SLC16A14: variants seen among roughly 807,000 people sequenced by gnomAD.
The protein encoded by SLC16A14 is solute carrier family 16 member 14.
A neutral mutation model predicts 35.8 loss-of-function variants in SLC16A14; 14 were observed. The observed-to-expected ratio is 0.39, with a 90% CI of 0.26 to 0.61. The LOEUF is 0.61. SLC16A14 is among the 20% of genes least tolerant of loss of function. SLC16A14 has a pLI of 0.51. For missense variants in SLC16A14, 533 were observed against 655.0 expected (o/e 0.81, Z 2.03); for synonymous variants, 248 against 258.9 (o/e 0.96, Z 0.40).
intron 1 of SLC16A14, among the ~76,000 whole-genome samples, chr2:230,064,853 C>G (rs201398537): frequency 6.6e-6 from 1 of 151,742 alleles, no homozygotes; most frequent in Non-Finnish European, 1.5e-5. Flanking sequence ...TCTACTAAAA[C>G]TACAAAATTA....
At chr2:230,059,450 C>T (rs545041289) in intron 1 of SLC16A14, 84 bp from the exon 2 acceptor site, 2 of 1,097,470 alleles carry the variant, frequency 1.8e-6, no homozygotes, top group South Asian at 1.7e-5. Flanking sequence ...ACCTCCCCAT[C>T]AGGGTCAAAG....
At chr2:230,041,448 A>G (rs1181391607) in intron 4 of SLC16A14, among the ~76,000 whole-genome samples, 1 of 152,152 alleles carries the variant, frequency 6.6e-6, no homozygotes, top group Admixed American at 6.6e-5. Context: ...CCCGGGTTCA[A>G]GCAATTCTAC....
rs2077721147 is a variant in SLC16A14 at position 230,058,145 on chromosome 2, A to G, written c.259+949T>C. 7 of 152,272 alleles carry G rather than the reference A, an allele frequency of 4.6e-5. No homozygotes were observed. In the South Asian group the frequency reaches 1.5e-3, roughly 32 times the overall value. 9.4% of individuals were successfully genotyped at this position (152,272 alleles called of 1,614,324 possible). ...ATAAATGTTAAACAAGCAGAGATTT[A>G]TAATGGTACATAATGAATTATAATG... On this transcript the variant is annotated intron_variant, in intron 2 of 4. Transcript: ENST00000295190.
intron 2 of SLC16A14, among the ~76,000 whole-genome samples, chr2:230,051,366 G>C (rs563609942): frequency 1.3e-5 from 2 of 152,158 alleles, no homozygotes; most frequent in Non-Finnish European, 2.9e-5. Context: ...TCGCCGTGTT[G>C]TTCAGGCTGG....
intron 2 of SLC16A14, among the ~76,000 whole-genome samples, chr2:230,056,725 C>A (rs1165761617): frequency 6.6e-6 from 1 of 151,834 alleles, no homozygotes; most frequent in Admixed American, 6.6e-5. Flanking sequence ...TAAAAATCAG[C>A]AGGGCATGGT....
At chr2:230,047,263 T>C (rs1007773938) in intron 3 of SLC16A14, among the ~76,000 whole-genome samples, 2 of 151,798 alleles carry the variant, frequency 1.3e-5, no homozygotes, top group African/African-American at 4.8e-5. Context: ...ACGGGACTAT[T>C]ATAGGGAAGA....
chr2:230,059,103 A>G lies in SLC16A14; in HGVS notation c.250T>C (p.Leu84=), dbSNP rs763878510. 12 of 1,610,076 alleles carry G rather than the reference A, an allele frequency of 7.5e-6. 1 individual carries two copies. In the South Asian group the frequency reaches 1.1e-4, roughly 15 times the overall value. The change falls in exon 2 of 5, where the codon TTG becomes CTG. Residue 84 remains leucine (L), a synonymous_variant. Coordinates refer to ENST00000295190, the MANE Select transcript of SLC16A14 (RefSeq NM_152527.5). The part of the protein sequence containing the change: ...WVSSLSMGIT[L]IVGPFIGLFI... Reference sequence around the variant, plus strand: ...TCACACATGAACATACCCACTATCAAGGTGATGCCCATGCTGAGGGAGCTG... The same window carrying G: ...TCACACATGAACATACCCACTATCAGGGTGATGCCCATGCTGAGGGAGCTG...
chr2:230,054,571 G>A (rs771617714), intron 2 of SLC16A14, among the ~76,000 whole-genome samples: 1 of 152,074 alleles, frequency 6.6e-6, no homozygotes, highest in Non-Finnish European at 1.5e-5. Context: ...AAATGTTGAA[G>A]TCCTCAAAAT....
At chr2:230,048,783 C>T (rs1171575157) in intron 3 of SLC16A14, among the ~76,000 whole-genome samples, 1 of 151,592 alleles carries the variant, frequency 6.6e-6, no homozygotes, top group Non-Finnish European at 1.5e-5. Context: ...ATTAGCTGGG[C>T]ATGGTGGTGC....
At chr2:230,064,736 C>T (rs543487300) in intron 1 of SLC16A14, among the ~76,000 whole-genome samples, 3 of 152,194 alleles carry the variant, frequency 2.0e-5, no homozygotes, top group East Asian at 1.9e-4. Context: ...TTAGGCCGGG[C>T]GTGGTGGCTT....
intron 1 of SLC16A14, among the ~76,000 whole-genome samples, chr2:230,064,707 A>C (rs1180746956): frequency 1.3e-5 from 2 of 152,150 alleles, no homozygotes; most frequent in Non-Finnish European, 2.9e-5. Flanking sequence ...AGTAATACAA[A>C]TTTAAAAGTT....
Position 230,042,533 on chromosome 2 carries a change from C to T in SLC16A14, c.1381+3212G>A, listed in dbSNP as rs186289882. Among the ~76,000 whole-genome samples, 137 of 152,242 alleles carry T rather than the reference C, an allele frequency of 9.0e-4. 1 individual carries two copies. The highest frequency in any genetic ancestry group is 2.9e-3 in the African/African-American group (122 of 41,546). ...CAAGCCTGCCCATTAGAAGAAAGTA[C>T]CCCTGGATCATGCAAAGAACCATCA... On this transcript the variant is annotated intron_variant, in intron 4 of 4. Transcript: ENST00000295190.
chr2:230,056,176 T>C (rs4246639), intron 2 of SLC16A14, among the ~76,000 whole-genome samples: 105,954 of 151,698 alleles, frequency 0.7, 37,332 homozygotes, highest in Non-Finnish European at 0.73. Flanking sequence ...TGCACACACA[T>C]GTGCCACACA....
intron 4 of SLC16A14, among the ~76,000 whole-genome samples, chr2:230,040,345 G>C (rs866955081): frequency 6.6e-6 from 1 of 151,736 alleles, no homozygotes; most frequent in Non-Finnish European, 1.5e-5. Context: ...TCAGCCTCCC[G>C]AGTAGCTGGG....
intron 4 of SLC16A14, 185 bp downstream of exon 4, chr2:230,045,560 G>GA (rs1053504798): frequency 0.057 from 30,217 of 529,432 alleles, 2 homozygotes; most frequent in South Asian, 0.075. Context: ...ACTCCGTCTT[G>GA]AAAAAAAAAA....
At chr2:230,053,532 C>T (rs892694611) in intron 2 of SLC16A14, among the ~76,000 whole-genome samples, 1 of 152,150 alleles carries the variant, frequency 6.6e-6, no homozygotes, top group South Asian at 2.1e-4. Flanking sequence ...CCTGTAATCT[C>T]AGCACTTTGG....
intron 2 of SLC16A14, among the ~76,000 whole-genome samples, chr2:230,053,646 T>C (rs1172273317): frequency 1.3e-5 from 2 of 152,118 alleles, no homozygotes; most frequent in Non-Finnish European, 2.9e-5. Flanking sequence ...CCAGGTGTGG[T>C]GGCAGATGCC....
At chr2:230,065,866 T>G (rs528172159) in intron 1 of SLC16A14, among the ~76,000 whole-genome samples, 100 of 152,242 alleles carry the variant, frequency 6.6e-4, no homozygotes, top group Admixed American at 1.8e-3. Flanking sequence ...TTAGAGGGTG[T>G]ATCTGTACCC....
chr2:230,053,291 C>G (rs2077677438), intron 2 of SLC16A14, among the ~76,000 whole-genome samples: 1 of 152,154 alleles, frequency 6.6e-6, no homozygotes, highest in African/African-American at 2.4e-5. Context: ...TTGCCAAAAT[C>G]AAACCACCAT....
Sources: allele counts gnomAD v4.1 joint callset (sites outside exome capture counted in the v4.1 genomes callset), GRCh38; gene constraint gnomAD v4.1.1; transcripts MANE v1.5; gene names NCBI Gene and HGNC (gene_info 2026-07-23, HGNC 2026-07-21).